Variants in SLC5A3 observed in about 807,000 individuals in gnomAD.
The protein encoded by SLC5A3 is solute carrier family 5 member 3, also known as sodium/myo-inositol cotransporter.
A neutral mutation model predicts 43.2 loss-of-function variants in SLC5A3; 10 were observed. That is an observed-to-expected ratio of 0.23 (90% confidence interval 0.14 to 0.39). The LOEUF (loss-of-function observed/expected upper bound fraction) is 0.39, where lower values mean the gene tolerates loss of function less well. Ranked by LOEUF, SLC5A3 falls within the 10% of genes least tolerant of loss-of-function variation. The pLI is 1.00. For synonymous variants in SLC5A3, 349 were observed against 322.0 expected (o/e 1.08, Z -0.90); for missense variants, 608 against 893.4 (o/e 0.68, Z 4.07).
At chr21:34,076,536 T>C in intron 1 of SLC5A3, among the ~76,000 whole-genome samples, 1 of 152,348 alleles carries the variant, frequency 6.6e-6, no homozygotes, top group South Asian at 2.1e-4. Flanking sequence ...GAGTATCTAC[T>C]TTTGTACTTC....
chr21:34,092,774 C>T lies in SLC5A3; in HGVS notation c.-336-2089C>T, dbSNP rs543336126. ...ATAACCCACCCTATTTCCCCCCCAA[C>T]GGCCAGATGAAACCAGAAATACCCA... On this transcript the variant is annotated intron_variant, in intron 1 of 1. Coordinates refer to ENST00000381151, the MANE Select transcript of SLC5A3 (RefSeq NM_006933.7). Among the ~76,000 whole-genome samples the T allele has an allele frequency of 2.0e-5, 3 of 152,280 alleles. No individual in the cohort carries two copies. The South Asian group carries it at 6.2e-4, about 32-fold the overall frequency.
chr21:34,102,504 TAAAC>T lies in SLC5A3; in HGVS notation c.*5153_*5156del, dbSNP rs1197998049. 6 of 1,000,070 alleles carry T rather than the reference TAAAC, an allele frequency of 6.0e-6. No individual in the cohort carries two copies. The highest frequency in any genetic ancestry group is 1.1e-4 in the East Asian group (1 of 8,830). 61.9% of individuals were successfully genotyped at this position (1,000,070 alleles called of 1,614,324 possible). A position where few individuals can be genotyped will look rare whatever the true frequency, so the allele number is the denominator to read the frequency against. On this transcript the variant is annotated 3_prime_UTR_variant, in exon 2 of 2. Coordinates refer to ENST00000381151, the MANE Select transcript of SLC5A3 (RefSeq NM_006933.7). ...GCATATATAGTCTTTCACTCAGAAATAAACAAAAACTGTTTGGTATATCTGTATC... is the reference window on the plus strand; with the variant it reads ...GCATATATAGTCTTTCACTCAGAAATAAAAACTGTTTGGTATATCTGTATC...
chr21:34,101,786 G>GT lies in SLC5A3; in HGVS notation c.*4433dup. On this transcript the variant is annotated 3_prime_UTR_variant, in exon 2 of 2. Coordinates refer to ENST00000381151, the MANE Select transcript of SLC5A3 (RefSeq NM_006933.7). ...TACTGAATTTCTGTTAGCTTAAAAT[G>GT]TTAATTCTCAGGAATGATTTTCTCA... The GT allele has an allele frequency of 1.0e-6, 1 of 996,128 alleles. No homozygotes were observed. Among genetic ancestry groups the GT allele is most frequent in the Non-Finnish European group, 1.2e-6 (1 of 826,554 alleles). 61.7% of individuals were successfully genotyped at this position (996,128 alleles called of 1,614,324 possible).
In SLC5A3 at chr21:34,097,833, G is replaced by A. The variant is rs956794100; in HGVS notation, c.*478G>A. 1.0e-6 allele frequency: 1 copy of A among 997,586 alleles called. No individual in the cohort carries two copies. The highest frequency in any genetic ancestry group is 1.7e-5 in the African/African-American group (1 of 57,148). The allele number at this position is 997,586 out of a possible 1,614,324, so 61.8% of individuals were successfully genotyped here. On this transcript the variant is annotated 3_prime_UTR_variant, in exon 2 of 2. Transcript: ENST00000381151. Reference sequence around the variant, plus strand: ...ATCAGTTATGTACTGAAAATCGAATGTGCTTGTGTGATACTTGTTTCAGGA... The same window carrying A: ...ATCAGTTATGTACTGAAAATCGAATATGCTTGTGTGATACTTGTTTCAGGA...
chr21:34,102,989 A>G lies in SLC5A3; in HGVS notation c.*5634A>G, dbSNP rs192294978. ...CTGGATAAAAGAGTGTTTACTTTTT[A>G]TTGCTCTTAGACAGAGTAGTCTAGA... On this transcript the variant is annotated 3_prime_UTR_variant, in exon 2 of 2. Transcript: ENST00000381151. 75 of 999,940 alleles carry G rather than the reference A, an allele frequency of 7.5e-5. No homozygotes were observed. In the East Asian group the frequency reaches 3.6e-3, roughly 48 times the overall value. The allele number at this position is 999,940 out of a possible 1,614,324, so 61.9% of individuals were successfully genotyped here. A position where few individuals can be genotyped will look rare whatever the true frequency, so the allele number is the denominator to read the frequency against.
chr21:34,082,551 G>T (rs749265760), intron 1 of SLC5A3, among the ~76,000 whole-genome samples: 3 of 152,122 alleles, frequency 2.0e-5, no homozygotes, highest in East Asian at 3.9e-4. Flanking sequence ...TGCTCAGAGT[G>T]TATCTGTGGA....
At position 34,103,834 on chromosome 21, in the gene SLC5A3, T is replaced by C. The variant is rs1333000493; in HGVS notation, c.*6479T>C. On this transcript the variant is annotated 3_prime_UTR_variant, in exon 2 of 2. Transcript: ENST00000381151. Reference sequence around the variant, plus strand: ...ATAAATGTCAAGAATGCCAAAATTATATTTGGGGGTTACTAGCTAAAATGG... The same window carrying C: ...ATAAATGTCAAGAATGCCAAAATTACATTTGGGGGTTACTAGCTAAAATGG... The C allele has an allele frequency of 7.0e-6, 7 of 1,000,004 alleles. No individual in the cohort carries two copies. The highest frequency in any genetic ancestry group is 1.7e-5 in the African/African-American group (1 of 57,228). The allele number at this position is 1,000,004 out of a possible 1,614,324, so 61.9% of individuals were successfully genotyped here.
At chr21:34,082,364 C>G (rs1989478502) in intron 1 of SLC5A3, among the ~76,000 whole-genome samples, 1 of 152,188 alleles carries the variant, frequency 6.6e-6, no homozygotes, top group Admixed American at 6.5e-5. Context: ...CAGAGCTGCA[C>G]CGTGTAAACT....
At chr21:34,091,768 T>C (rs1188256331) in intron 1 of SLC5A3, among the ~76,000 whole-genome samples, 2 of 152,182 alleles carry the variant, frequency 1.3e-5, no homozygotes, top group Non-Finnish European at 2.9e-5. Context: ...TCAAAGCACC[T>C]TTGTGTTCAA....
chr21:34,090,874 G>A (rs931511438), intron 1 of SLC5A3, among the ~76,000 whole-genome samples: 1 of 152,198 alleles, frequency 6.6e-6, no homozygotes, highest in Non-Finnish European at 1.5e-5. Context: ...GTTTTCTTCT[G>A]TACCGTGCCA....
At chr21:34,093,589 G>C (rs1341542043) in intron 1 of SLC5A3, among the ~76,000 whole-genome samples, 1 of 151,930 alleles carries the variant, frequency 6.6e-6, no homozygotes, top group Non-Finnish European at 1.5e-5. Flanking sequence ...AGAATCATCA[G>C]AAAAAGCATG....
Position 34,096,899 on chromosome 21 carries a change from G to C in SLC5A3, c.1701G>C (p.Met567Ile). 2 of 1,614,078 alleles carry C rather than the reference G, an allele frequency of 1.2e-6. No homozygotes were observed. Among genetic ancestry groups the C allele is most frequent in the Non-Finnish European group, 1.7e-6 (2 of 1,179,960 alleles). Residue 567 changes from methionine to isoleucine, a missense_variant, in exon 2 of 2, where the codon ATG becomes ATC. Transcript: ENST00000381151. The surrounding 1 kb of genome is among the most constrained non-coding windows in gnomAD (Gnocchi z 5.9). ...CCCCAAAAGAGGAACCATACAAAAT[G>C]CAAGAAAAGAGCATTCTGAGATGCA... Reference protein sequence around the residue: ...NCSPKEEPYKMQEKSILRCSE... With the variant: ...NCSPKEEPYKIQEKSILRCSE...
chr21:34,104,696 G>A lies in SLC5A3; in HGVS notation c.*7341G>A, dbSNP rs571771645. On this transcript the variant is annotated 3_prime_UTR_variant, in exon 2 of 2. Transcript: ENST00000381151. ...TGAGAATATCAAACCTCAGGCCTGG[G>A]GGGATGAGGGGAAGAAGATTACCAG... 5.3e-4 allele frequency: 529 copies of A among 1,000,080 alleles called. No individual in the cohort carries two copies. The highest frequency in any genetic ancestry group is 6.2e-4 in the Non-Finnish European group (515 of 829,916). 62.0% of individuals were successfully genotyped at this position (1,000,080 alleles called of 1,614,324 possible).
chr21:34,091,266 C>T (rs75260521), intron 1 of SLC5A3, among the ~76,000 whole-genome samples: 3 of 146 alleles, frequency 0.021, no homozygotes, highest in African/African-American at 0.071. Context: ...TTGCAGGCCC[C>T]GCCCTGTGTC....
rs1979313815 is a variant in SLC5A3, at chr21:34,102,944, C to T, written c.*5589C>T. On this transcript the variant is annotated 3_prime_UTR_variant, in exon 2 of 2. Coordinates refer to ENST00000381151, the MANE Select transcript of SLC5A3 (RefSeq NM_006933.7). The stretch of plus-strand genomic sequence containing the variant: ...CCAACCTAATTTATCTTGGTAAATT[C>T]ACCCTGTTTCCTAGTGCTGCTGGAT... The T allele has an allele frequency of 1.0e-6, 1 of 999,644 alleles. No homozygotes were observed. The highest frequency in any genetic ancestry group is 4.7e-5 in the South Asian group (1 of 21,288). The allele number at this position is 999,644 out of a possible 1,614,324, so 61.9% of individuals were successfully genotyped here. A position where few individuals can be genotyped will look rare whatever the true frequency, so the allele number is the denominator to read the frequency against.
At chr21:34,086,844 C>G (rs538121490) in intron 1 of SLC5A3, among the ~76,000 whole-genome samples, 5 of 137,388 alleles carry the variant, frequency 3.6e-5, no homozygotes, top group African/African-American at 1.4e-4. Context: ...GAGGATTCTT[C>G]ATGAGTTGAC....
At chr21:34,076,084 C>T (rs2148650781) in intron 1 of SLC5A3, among the ~76,000 whole-genome samples, 1 of 152,268 alleles carries the variant, frequency 6.6e-6, no homozygotes, top group Admixed American at 6.5e-5. Context: ...CTTTCCTCCC[C>T]AAATCATTTG....
chr21:34,085,893 C>T (rs1325534028), intron 1 of SLC5A3, among the ~76,000 whole-genome samples: 4 of 152,130 alleles, frequency 2.6e-5, no homozygotes, highest in Admixed American at 6.5e-5. Flanking sequence ...TGAGCCACTG[C>T]GCCCGGCCAG....
Position 34,098,110 on chromosome 21 carries a change from A to G in SLC5A3, c.*755A>G. The G allele has an allele frequency of 1.0e-6, 1 of 999,780 alleles. No individual in the cohort carries two copies. The highest frequency in any genetic ancestry group is 1.2e-6 in the Non-Finnish European group (1 of 829,672). The allele number at this position is 999,780 out of a possible 1,614,324, so 61.9% of individuals were successfully genotyped here. A position where few individuals can be genotyped will look rare whatever the true frequency, so the allele number is the denominator to read the frequency against. ...TTAAATGATTATGGGGGAGAAAATG[A>G]AGTAAATGTTGCTGATGATCCCCAT... On this transcript the variant is annotated 3_prime_UTR_variant, in exon 2 of 2. Coordinates refer to ENST00000381151, the MANE Select transcript of SLC5A3 (RefSeq NM_006933.7).
Sources: gnomAD v4.1 joint callset for allele counts (sites outside exome capture counted in the v4.1 genomes callset) on GRCh38, gnomAD v4.1.1 for gene constraint, Gnocchi (gnomAD v3.1) non-coding constraint, MANE v1.5 for transcripts, NCBI Gene and HGNC (gene_info 2026-07-23, HGNC 2026-07-21) for gene names.